GPC5: variants seen among roughly 807,000 people sequenced by gnomAD.
GPC5 encodes glypican 5, also known as glypican-5.
Under a neutral mutation model 53.9 loss-of-function variants are expected in GPC5, and 47 were observed. The observed-to-expected ratio is 0.87, with a 90% confidence interval of 0.69 to 1.11. The LOEUF is 1.11. GPC5 is among the 50% of genes most tolerant of loss of function. The probability of loss-of-function intolerance (pLI) is 0.00; values close to 1 mark genes in which losing one functional copy is unlikely to be tolerated. For synonymous variants in GPC5, 286 were observed against 263.3 expected (o/e 1.09, Z -0.84); for missense variants, 748 against 713.1 (o/e 1.05, Z -0.56).
At chr13:92,128,049 G>A (rs868554823) in intron 6 of GPC5, among the ~76,000 whole-genome samples, 1 of 152,248 alleles carries the variant, frequency 6.6e-6, no homozygotes, top group Middle Eastern at 3.4e-3. Context: ...ATGTTTCTGA[G>A]ATCAATCTTC....
chr13:92,111,089 T>G (rs1293643339), intron 6 of GPC5, among the ~76,000 whole-genome samples: 1 of 152,132 alleles, frequency 6.6e-6, no homozygotes, highest in Non-Finnish European at 1.5e-5. Flanking sequence ...AAGCCAAATA[T>G]GGTGGCTTTA....
chr13:91,828,197 T>A (rs1439359326), intron 5 of GPC5, among the ~76,000 whole-genome samples: 1 of 152,092 alleles, frequency 6.6e-6, no homozygotes, highest in Non-Finnish European at 1.5e-5. Flanking sequence ...ATGTTTCTTA[T>A]CTTTATAGAT....
intron 6 of GPC5, among the ~76,000 whole-genome samples, chr13:92,106,960 T>C (rs1398860653): frequency 3.3e-5 from 5 of 152,156 alleles, no homozygotes; most frequent in African/African-American, 9.6e-5. Context: ...TTTTTGTATT[T>C]CATGTTATGT....
At chr13:92,755,635 T>C (rs1260255571) in intron 7 of GPC5, among the ~76,000 whole-genome samples, 4 of 142,134 alleles carry the variant, frequency 2.8e-5, no homozygotes, top group Non-Finnish European at 6.1e-5. Flanking sequence ...CAATAAAAAA[T>C]GATAAAGGGG....
At chr13:91,426,163 G>T (rs900541714) in intron 1 of GPC5, among the ~76,000 whole-genome samples, 2 of 152,170 alleles carry the variant, frequency 1.3e-5, no homozygotes, top group African/African-American at 4.8e-5. Flanking sequence ...GCCAGCTGCA[G>T]AAATTTGCAT....
rs539853230 is a variant in GPC5 at position 91,665,665 on chromosome 13, G to A, written c.326-27522G>A. Among the ~76,000 whole-genome samples the A allele has an allele frequency of 3.3e-5, 5 of 152,096 alleles. No homozygotes were observed. The Middle Eastern group carries it at 0.01, about 313-fold the overall frequency. ...CTGCAGGCGCCCACCACCACACCCC[G>A]CTAATTTTTTGTATTTTTTTTAGTA... is the stretch of plus-strand genomic sequence containing the variant. On this transcript the variant is annotated intron_variant, in intron 2 of 7. Transcript: ENST00000377067.
chr13:92,009,579 T>G (rs2040641991), intron 6 of GPC5, among the ~76,000 whole-genome samples: 1 of 152,172 alleles, frequency 6.6e-6, no homozygotes, highest in African/African-American at 2.4e-5. Context: ...TATGCAGCTT[T>G]TATATTCAGC....
Position 91,913,235 on chromosome 13 carries a change from C to T in GPC5, c.1401+5178C>T, listed in dbSNP as rs538890770. On this transcript the variant is annotated intron_variant, in intron 6 of 7. Transcript: ENST00000377067. ...CCAATATAGTGAAACCCCATGCCTA[C>T]TAAAAATACAAAAATTAGCTGGGCA... Among the ~76,000 whole-genome samples the T allele has an allele frequency of 9.2e-5, 14 of 152,090 alleles. No individual in the cohort carries two copies. The East Asian group carries it at 2.5e-3, about 27-fold the overall frequency.
chr13:91,890,416 G>T (rs1163926245), intron 5 of GPC5, among the ~76,000 whole-genome samples: 1 of 152,100 alleles, frequency 6.6e-6, no homozygotes, highest in African/African-American at 2.4e-5. Context: ...CCTGCAGTAA[G>T]GTTTCAGTTG....
chr13:92,740,602 A>T (rs1317347490), intron 7 of GPC5, among the ~76,000 whole-genome samples: 1 of 152,046 alleles, frequency 6.6e-6, no homozygotes, highest in Non-Finnish European at 1.5e-5. Flanking sequence ...AGGTCTACTG[A>T]TCTTTGTAAT....
chr13:92,193,090 G>A (rs1468285552), intron 7 of GPC5, among the ~76,000 whole-genome samples: 1 of 152,112 alleles, frequency 6.6e-6, no homozygotes, highest in African/African-American at 2.4e-5. Flanking sequence ...CAGGAGAATT[G>A]CTTAAACCAG....
chr13:91,550,874 A>C (rs970470894), intron 2 of GPC5, among the ~76,000 whole-genome samples: 11 of 151,866 alleles, frequency 7.2e-5, no homozygotes, highest in African/African-American at 2.7e-4. Context: ...CTGCACAAGC[A>C]CTCTTACCTT....
chr13:91,959,938 G>A (rs1050464032), intron 6 of GPC5, among the ~76,000 whole-genome samples: 2 of 151,756 alleles, frequency 1.3e-5, no homozygotes, highest in South Asian at 2.1e-4. Flanking sequence ...AGGCATAGAA[G>A]GAATATACTT....
At position 92,631,356 on chromosome 13, in the gene GPC5, T is replaced by C. The variant is rs961871266; in HGVS notation, c.1562-234926T>C. On this transcript the variant is annotated intron_variant, in intron 7 of 7. Coordinates refer to ENST00000377067, the MANE Select transcript of GPC5 (RefSeq NM_004466.6). ...TCTAGACAGCCAAGTTTATTTTTTT[T>C]CTCAATTCAGTTTAAAATCAGAGGG... Among the ~76,000 whole-genome samples the C allele has an allele frequency of 5.9e-5, 9 of 152,152 alleles. No individual in the cohort carries two copies. In the South Asian group the frequency reaches 8.3e-4, roughly 14 times the overall value.
At chr13:91,652,143 C>G (rs970306380) in intron 2 of GPC5, among the ~76,000 whole-genome samples, 1 of 152,176 alleles carries the variant, frequency 6.6e-6, no homozygotes, top group African/African-American at 2.4e-5. Context: ...GTCCTGATCT[C>G]AATTGTCATC....
chr13:92,458,345 C>T (rs2090189908), intron 7 of GPC5, among the ~76,000 whole-genome samples: 2 of 151,962 alleles, frequency 1.3e-5, no homozygotes, highest in South Asian at 4.2e-4. Flanking sequence ...TTTTGTTGCC[C>T]AGGAGTGCAG....
At chr13:92,861,342 C>T (rs1566449400) in intron 7 of GPC5, among the ~76,000 whole-genome samples, 2 of 152,112 alleles carry the variant, frequency 1.3e-5, no homozygotes, top group Non-Finnish European at 2.9e-5. Context: ...ATTTTAAACA[C>T]TTTTAATATA....
At chr13:91,948,726 A>C (rs923884134) in intron 6 of GPC5, among the ~76,000 whole-genome samples, 2 of 152,220 alleles carry the variant, frequency 1.3e-5, no homozygotes, top group Non-Finnish European at 2.9e-5. Context: ...GGCACATGTG[A>C]TAAGTACTTC....
rs1006409850 is a variant in GPC5 at position 92,410,759 on chromosome 13, A to T, written c.1561+265770A>T. ...TTAAATTGTTCTCCTCAAGCATGCA[A>T]CTCTAACAGTAGATTTGCAACTTTT... is the stretch of plus-strand genomic sequence containing the variant. On this transcript the variant is annotated intron_variant, in intron 7 of 7. Transcript: ENST00000377067. 7.2e-5 allele frequency among the ~76,000 whole-genome samples: 11 copies of T among 152,122 alleles called. No homozygotes were observed. The East Asian group carries it at 2.1e-3, about 29-fold the overall frequency.
Sources: gnomAD v4.1 joint callset for allele counts (sites outside exome capture counted in the v4.1 genomes callset) on GRCh38, gnomAD v4.1.1 for gene constraint, MANE v1.5 for transcripts, NCBI Gene and HGNC (gene_info 2026-07-23, HGNC 2026-07-21) for gene names.